DNAH7: variants seen among roughly 807,000 people sequenced by gnomAD.
DNAH7 encodes the protein axonemal beta dynein heavy chain 7.
A neutral mutation model predicts 444.6 loss-of-function variants in DNAH7; 397 were observed. That is an observed-to-expected ratio of 0.89 (90% CI 0.82 to 0.97). DNAH7 has a LOEUF of 0.97. DNAH7 is among the 50% of genes least tolerant of loss of function. The probability of loss-of-function intolerance (pLI) is 0.00; values close to 1 mark genes in which losing one functional copy is unlikely to be tolerated. For missense variants in DNAH7, 4,902 were observed against 4,800.8 expected, an observed-to-expected ratio of 1.02 and a Z score of -0.62; for synonymous variants, 1,636 against 1,624.4, an observed-to-expected ratio of 1.01 and a Z score of -0.17.
intron 1 of DNAH7, chr2:196,063,906 G>A (rs1414870384): frequency 6.6e-6 from 1 of 152,216 alleles, no homozygotes; most frequent in Non-Finnish European, 1.5e-5. Context: ...AGCAGCCAGA[G>A]GACTGACTCC....
chr2:196,056,118 A>G (rs1055015809), intron 2 of DNAH7, among the ~76,000 whole-genome samples: 1 of 152,324 alleles, frequency 6.6e-6, no homozygotes, highest in Non-Finnish European at 1.5e-5. Flanking sequence ...TGGCTGCAGT[A>G]AACAGTTCTG....
At chr2:195,990,832 T>C (rs1042162889) in intron 12 of DNAH7, among the ~76,000 whole-genome samples, 10 of 146,100 alleles carry the variant, frequency 6.8e-5, no homozygotes, top group African/African-American at 2.5e-4. Context: ...TACTTAAATA[T>C]ATATACATAT....
chr2:195,913,614 G>A (rs74644218), intron 24 of DNAH7, among the ~76,000 whole-genome samples: 1,670 of 152,290 alleles, frequency 0.011, 35 homozygotes, highest in East Asian at 0.067. Flanking sequence ...AAAGAATACA[G>A]AGCCAGCCCC....
chr2:195,889,407 C>T (rs1701894425), intron 31 of DNAH7, among the ~76,000 whole-genome samples: 2 of 151,868 alleles, frequency 1.3e-5, no homozygotes, highest in South Asian at 4.2e-4. Flanking sequence ...TCTTTGACTC[C>T]CAGGTTCAAG....
At chr2:195,740,238 G>GCCT (rs1692916605) in intron 64 of DNAH7, among the ~76,000 whole-genome samples, 1 of 152,090 alleles carries the variant, frequency 6.6e-6, no homozygotes, top group Non-Finnish European at 1.5e-5. Flanking sequence ...GTCTGCCTTG[G>GCCT]CCTCCCAAAG....
At chr2:195,865,460 CTTTTGT>C (rs1264855080) in intron 40 of DNAH7, among the ~76,000 whole-genome samples, 6 of 152,052 alleles carry the variant, frequency 3.9e-5, no homozygotes, top group African/African-American at 7.2e-5. Flanking sequence ...ATAGTTTTTG[CTTTTGT>C]TTTTGTTTTT....
chr2:195,787,233 A>C lies in DNAH7; in HGVS notation c.10717-62T>G. ...CTCCATATATTGCATTATATTTACCATATTTTAAAATGAAAGCAAATTTCT... is the reference window on the plus strand; with the variant it reads ...CTCCATATATTGCATTATATTTACCCTATTTTAAAATGAAAGCAAATTTCT... On this transcript the variant is annotated intron_variant, in intron 57 of 64. Transcript: ENST00000312428. 2.0e-6 allele frequency: 3 copies of C among 1,494,580 alleles called. No homozygotes were observed. The East Asian group carries it at 7.0e-5, about 35-fold the overall frequency. The allele number at this position is 1,494,580 out of a possible 1,614,324, so 92.6% of individuals were successfully genotyped here.
chr2:196,032,147 G>A (rs567578937), intron 5 of DNAH7, among the ~76,000 whole-genome samples: 2 of 152,162 alleles, frequency 1.3e-5, no homozygotes, highest in South Asian at 4.1e-4. Context: ...AGAGAAATGA[G>A]AACCAAGTAA....
intron 9 of DNAH7, among the ~76,000 whole-genome samples, chr2:196,015,330 G>A (rs1412024985): frequency 6.6e-6 from 1 of 151,938 alleles, no homozygotes; most frequent in Non-Finnish European, 1.5e-5. Flanking sequence ...TGTATCCTGT[G>A]TGCTGTACGG....
At chr2:196,013,070 AAAT>A (rs766445603) in intron 9 of DNAH7, among the ~76,000 whole-genome samples, 164 bp from the exon 10 acceptor site, 15 of 152,156 alleles carry the variant, frequency 9.9e-5, no homozygotes, top group African/African-American at 3.4e-4. Context: ...CTAATTTTAA[AAAT>A]AATTCATATA....
rs535375707 is a variant in DNAH7, at chr2:195,801,700, C to T, written c.10177-2228G>A. 1.6e-4 allele frequency among the ~76,000 whole-genome samples: 25 copies of T among 152,278 alleles called. 1 individual carries two copies. The South Asian group carries it at 4.6e-3, about 28-fold the overall frequency. ...CGATGGTCTACTCTGTAAAACATTGCAAATACTTCCAAACTTCGATTTTAT... is the reference window on the plus strand; with the variant it reads ...CGATGGTCTACTCTGTAAAACATTGTAAATACTTCCAAACTTCGATTTTAT... On this transcript the variant is annotated intron_variant, in intron 54 of 64. Transcript: ENST00000312428.
At chr2:195,897,305 A>G (rs1702376880) in intron 29 of DNAH7, among the ~76,000 whole-genome samples, 2 of 152,172 alleles carry the variant, frequency 1.3e-5, no homozygotes, top group African/African-American at 4.8e-5. Flanking sequence ...TTCTTCAGTC[A>G]TTAGTTGAAC....
chr2:195,931,163 T>TG, intron 21 of DNAH7, among the ~76,000 whole-genome samples: 1 of 152,286 alleles, frequency 6.6e-6, no homozygotes, highest in Admixed American at 6.5e-5. Context: ...AACCTGCACA[T>TG]GTACCCCTGA....
chr2:195,958,987 G>A (rs1012484638), intron 18 of DNAH7, among the ~76,000 whole-genome samples: 8 of 152,170 alleles, frequency 5.3e-5, no homozygotes, highest in African/African-American at 1.9e-4. Flanking sequence ...TTTGAATCCA[G>A]GAGGCGGAGG....
At chr2:195,837,594 G>GA (rs1480681230) in intron 47 of DNAH7, among the ~76,000 whole-genome samples, 2 of 151,980 alleles carry the variant, frequency 1.3e-5, no homozygotes, top group African/African-American at 4.8e-5. Context: ...ATAAGTAACT[G>GA]AAAAAATGAC....
intron 1 of DNAH7, among the ~76,000 whole-genome samples, chr2:196,060,842 T>C (rs1456262937): frequency 6.6e-6 from 1 of 152,188 alleles, no homozygotes; most frequent in Non-Finnish European, 1.5e-5. Context: ...TTGATCACTG[T>C]CTCCTTCCTG....
chr2:195,968,696 C>T (rs1691646868), intron 17 of DNAH7, among the ~76,000 whole-genome samples: 1 of 152,172 alleles, frequency 6.6e-6, no homozygotes, highest in African/African-American at 2.4e-5. Context: ...CAGGGCTTGC[C>T]TAAGAATTCC....
In DNAH7 at chr2:195,872,301, T is replaced by C; in HGVS notation, c.6582A>G (p.Arg2194=). 2 of 1,613,952 alleles carry C rather than the reference T, an allele frequency of 1.2e-6. No individual in the cohort carries two copies. Among genetic ancestry groups the C allele is most frequent in the Non-Finnish European group, 1.7e-6 (2 of 1,179,942 alleles). Residue 2194 remains arginine (R), a synonymous_variant, in exon 40 of 65, where the codon AGA becomes AGG. Coordinates refer to ENST00000312428, the MANE Select transcript of DNAH7 (RefSeq NM_018897.3). ...CTTCTGTGGTTTCTGTTGTTTCTGGTCTTGACAAACAAACACCTTGAATGA... is the reference window on the plus strand; with the variant it reads ...CTTCTGTGGTTTCTGTTGTTTCTGGCCTTGACAAACAAACACCTTGAATGA... ...SRVIQGVCLS[R]PETTETTEVI... is the part of the protein sequence containing the mutation.
chr2:195,834,478 T>A, intron 47 of DNAH7, 118 bp from the exon 48 acceptor site: 1 of 1,129,774 alleles, frequency 8.9e-7, no homozygotes, highest in Non-Finnish European at 1.2e-6. Context: ...ATATTTTACT[T>A]TTTAACTTAT....
Sources: allele counts gnomAD v4.1 joint callset (sites outside exome capture counted in the v4.1 genomes callset), GRCh38; gene constraint gnomAD v4.1.1; transcripts MANE v1.5; gene names NCBI Gene and HGNC (gene_info 2026-07-23, HGNC 2026-07-21).